The following PPP4R4 variants were observed in gnomAD, a reference collection of about 807,000 sequenced individuals.
PPP4R4 encodes protein phosphatase 4 regulatory subunit 4, also known as serine/threonine-protein phosphatase 4 regulatory subunit 4.
A neutral mutation model predicts 121.8 loss-of-function variants in PPP4R4; 70 were observed. The ratio of observed to expected loss-of-function variants is 0.57; its 90% CI spans 0.47 to 0.70. PPP4R4 has a LOEUF of 0.70. Among genes scored for constraint, PPP4R4 ranks in the 30% least tolerant of loss-of-function variants. PPP4R4 has a pLI of 0.00. For synonymous variants in PPP4R4, 348 were observed against 355.7 expected, an observed-to-expected ratio of 0.98 and a Z score of 0.24; for missense variants, 875 against 1,033.6, an observed-to-expected ratio of 0.85 and a Z score of 2.10.
chr14:94,242,370 G>A lies in PPP4R4; in HGVS notation c.1228G>A (p.Val410Ile), dbSNP rs1460634838. The A allele has an allele frequency of 3.1e-6, 5 of 1,610,256 alleles. No individual in the cohort carries two copies. Among genetic ancestry groups the A allele is most frequent in the Non-Finnish European group, 4.2e-6 (5 of 1,177,048 alleles). ...CTTCTGCCTTTGCCATGACCCTGAA[G>A]TACCAGTCAGATACACTATTGCTAT... ...TFFCLCHDPEVPVRYTIAICF... is the reference protein window; with the variant it reads ...TFFCLCHDPEIPVRYTIAICF... Residue 410 changes from valine to isoleucine, a missense_variant, in exon 11 of 25, where the codon GTA becomes ATA. By Grantham distance (29) the Val-to-Ile change is conservative. Coordinates refer to ENST00000304338, the MANE Select transcript of PPP4R4 (RefSeq NM_058237.2).
At chr14:94,235,683 G>A (rs904096881) in intron 7 of PPP4R4, among the ~76,000 whole-genome samples, 2 of 152,030 alleles carry the variant, frequency 1.3e-5, no homozygotes, top group Non-Finnish European at 2.9e-5. Context: ...ACAGGTGTGA[G>A]CCACCGCGCC....
At chr14:94,242,022 G>A in intron 10 of PPP4R4, 65 bp downstream of exon 10, 2 of 1,449,948 alleles carry the variant, frequency 1.4e-6, no homozygotes, top group Non-Finnish European at 1.9e-6. Flanking sequence ...GTGCATAGAT[G>A]GCATTCAAAA....
chr14:94,245,575 C>G lies in PPP4R4; in HGVS notation c.1345-12C>G, dbSNP rs1423361765. On this transcript the variant is annotated splice_polypyrimidine_tract_variant and intron_variant, in intron 12 of 24. Coordinates refer to ENST00000304338, the MANE Select transcript of PPP4R4 (RefSeq NM_058237.2). ...TAATCACTATAACAGTAATCAATAT[C>G]TCTGTTAAAAGGTACTAGATGCTCT... is the stretch of plus-strand genomic sequence containing the variant. The G allele has an allele frequency of 7.0e-7, 1 of 1,430,134 alleles. No homozygotes were observed. Among genetic ancestry groups the G allele is most frequent in the Non-Finnish European group, 9.7e-7 (1 of 1,032,336 alleles). The allele number at this position is 1,430,134 out of a possible 1,614,324, so 88.6% of individuals were successfully genotyped here.
intron 24 of PPP4R4, among the ~76,000 whole-genome samples, chr14:94,277,893 C>T (rs758367863): frequency 1.3e-5 from 2 of 152,098 alleles, no homozygotes; most frequent in Admixed American, 6.5e-5. Flanking sequence ...AAAGGAGGGA[C>T]GTTGATATCC....
intron 2 of PPP4R4, among the ~76,000 whole-genome samples, chr14:94,178,840 G>A (rs946758846): frequency 2.6e-5 from 4 of 152,060 alleles, no homozygotes; most frequent in African/African-American, 9.7e-5. Context: ...GTGATTTTGC[G>A]TATATTTTTG....
chr14:94,260,285 G>A (rs1328562848), intron 19 of PPP4R4, among the ~76,000 whole-genome samples: 1 of 151,946 alleles, frequency 6.6e-6, no homozygotes. Flanking sequence ...AATTAGCTGG[G>A]CATGGTGGCG....
At chr14:94,233,089 T>C (rs1892139929) in intron 5 of PPP4R4, among the ~76,000 whole-genome samples, 1 of 152,118 alleles carries the variant, frequency 6.6e-6, no homozygotes, top group African/African-American at 2.4e-5. Flanking sequence ...GCGAGATTAT[T>C]TGGACAAACT....
intron 8 of PPP4R4, among the ~76,000 whole-genome samples, chr14:94,239,634 A>C (rs959129938): frequency 6.6e-6 from 1 of 152,096 alleles, no homozygotes; most frequent in African/African-American, 2.4e-5. Flanking sequence ...ATTGGGACAG[A>C]GCCACACTTA....
chr14:94,244,722 T>G lies in PPP4R4; in HGVS notation c.1344+10T>G. ...AGATGAATCACTGGAGGTAATATTT[T>G]CTTACTCTTTGATTTTTAATTCTTT... On this transcript the variant is annotated intron_variant, in intron 12 of 24. Transcript: ENST00000304338. 4 of 1,486,022 alleles carry G rather than the reference T, an allele frequency of 2.7e-6. No individual in the cohort carries two copies. Among genetic ancestry groups the G allele is most frequent in the Non-Finnish European group, 3.6e-6 (4 of 1,102,936 alleles). The allele number at this position is 1,486,022 out of a possible 1,614,324, so 92.1% of individuals were successfully genotyped here.
At chr14:94,214,730 A>G (rs970950226) in intron 3 of PPP4R4, among the ~76,000 whole-genome samples, 1 of 152,196 alleles carries the variant, frequency 6.6e-6, no homozygotes, top group African/African-American at 2.4e-5. Flanking sequence ...AGCATAGTTA[A>G]GTGAACAAAC....
Position 94,216,529 on chromosome 14 carries a change from A to G in PPP4R4, c.294+7963A>G, listed in dbSNP as rs80061650. Among the ~76,000 whole-genome samples, 1,159 of 152,314 alleles carry G rather than the reference A, an allele frequency of 7.6e-3. 16 individuals are homozygous for G. The highest frequency in any genetic ancestry group is 0.026 in the African/African-American group (1,090 of 41,568). On this transcript the variant is annotated intron_variant, in intron 3 of 24. Coordinates refer to ENST00000304338, the MANE Select transcript of PPP4R4 (RefSeq NM_058237.2). ...TGCATCCATTTGCAAGCTCTTTTCC[A>G]TACGTTTCCACTGTTTGATCTGTGA...
chr14:94,275,449 C>T lies in PPP4R4; in HGVS notation c.2525C>T (p.Ser842Phe). 2 of 1,613,942 alleles carry T rather than the reference C, an allele frequency of 1.2e-6. No homozygotes were observed. Among genetic ancestry groups the T allele is most frequent in the Non-Finnish European group, 1.7e-6 (2 of 1,179,844 alleles). Residue 842 changes from serine to phenylalanine, a missense_variant, in exon 24 of 25, where the codon TCC becomes TTC. By Grantham distance (155) the Ser-to-Phe change is radical. Transcript: ENST00000304338. ...FSPNTPLPST[S>F]RGTGNSVDPK... is the part of the protein sequence containing the mutation. ...CCTAATACTCCCTTACCGAGTACTT[C>T]CCGTGGGACAGGTAACTCAGTTGAC...
chr14:94,257,955 T>C (rs572056523), intron 17 of PPP4R4, among the ~76,000 whole-genome samples: 1 of 152,236 alleles, frequency 6.6e-6, no homozygotes, highest in African/African-American at 2.4e-5. Flanking sequence ...GGAAATTCTG[T>C]AGTATAATGA....
chr14:94,241,922 A>G lies in PPP4R4; in HGVS notation c.1111A>G (p.Ile371Val). ...AATCCTAGAGCAGGAGAAGAAATAT[A>G]TTTCAGTACGGAAGAACTGTGCTTA... is the stretch of plus-strand genomic sequence containing the variant. ...PQILEQEKKY[I>V]SVRKNCAYNF... Residue 371 changes from isoleucine to valine, a missense_variant, in exon 10 of 25, where the codon ATT (isoleucine) becomes GTT (valine). Transcript: ENST00000304338. 1 of 1,607,406 alleles carries G rather than the reference A, an allele frequency of 6.2e-7. No homozygotes were observed. The highest frequency in any genetic ancestry group is 8.5e-7 in the Non-Finnish European group (1 of 1,177,522).
chr14:94,230,357 A>G (rs1457397551), intron 3 of PPP4R4, among the ~76,000 whole-genome samples: 1 of 152,214 alleles, frequency 6.6e-6, no homozygotes, highest in Admixed American at 6.5e-5. Context: ...AGCGGTGGCA[A>G]GTTACTTTAT....
In PPP4R4 at chr14:94,241,788, G is replaced by A; in HGVS notation, c.977G>A (p.Gly326Glu). The A allele has an allele frequency of 1.3e-6, 2 of 1,541,498 alleles. No homozygotes were observed. The highest frequency in any genetic ancestry group is 8.7e-7 in the Non-Finnish European group (1 of 1,150,944). Reference protein sequence around the residue: ...HLGKLCHGLYGIFTPDQHLRF... With the variant: ...HLGKLCHGLYEIFTPDQHLRF... Reference sequence around the variant, plus strand: ...AGCTAGTTTTTTATATTTGTTTTAGGAATTTTCACTCCAGATCAGCACTTG... The same window carrying A: ...AGCTAGTTTTTTATATTTGTTTTAGAAATTTTCACTCCAGATCAGCACTTG... The change falls in exon 10 of 25, where the codon GGA becomes GAA. Residue 326 changes from glycine (G) to glutamate (E), a missense_variant and splice_region_variant. By Grantham distance (98) the Gly-to-Glu change is moderately conservative. Transcript: ENST00000304338.
chr14:94,211,057 A>G (rs1393686886), intron 3 of PPP4R4, among the ~76,000 whole-genome samples: 2 of 152,070 alleles, frequency 1.3e-5, no homozygotes. Context: ...TGATTTCTCA[A>G]TTTTTTAAAA....
rs372920937 is a variant in PPP4R4 at position 94,208,454 on chromosome 14, T to C, written c.192-10T>C. On this transcript the variant is annotated splice_polypyrimidine_tract_variant and intron_variant, in intron 2 of 24. Coordinates refer to ENST00000304338, the MANE Select transcript of PPP4R4 (RefSeq NM_058237.2). ...AATTATAAATTTTAAATTTGTGTTT[T>C]CTTTGTAAGTGCTGGTCAAGATGTC... is the stretch of plus-strand genomic sequence containing the variant. The C allele has an allele frequency of 1.3e-6, 2 of 1,589,616 alleles. No individual in the cohort carries two copies. The highest frequency in any genetic ancestry group is 1.7e-6 in the Non-Finnish European group (2 of 1,159,988).
intron 23 of PPP4R4, among the ~76,000 whole-genome samples, chr14:94,268,146 A>G (rs1894139719): frequency 6.6e-6 from 1 of 152,212 alleles, no homozygotes. Flanking sequence ...ACTAAGGAAC[A>G]TTCAGAGTTT....
Sources: allele counts gnomAD v4.1 joint callset (sites outside exome capture counted in the v4.1 genomes callset), GRCh38; gene constraint gnomAD v4.1.1; transcripts MANE v1.5; gene names NCBI Gene and HGNC (gene_info 2026-07-23, HGNC 2026-07-21).